Variants in BMPR1B observed in about 807,000 individuals in gnomAD.
BMPR1B encodes bone morphogenetic protein receptor type-1B.
Under a neutral mutation model 59.1 loss-of-function variants are expected in BMPR1B, and 12 were observed. That is an observed-to-expected ratio of 0.20 (90% confidence interval 0.13 to 0.33). The LOEUF (loss-of-function observed/expected upper bound fraction) is 0.33. Among genes scored for constraint, BMPR1B ranks in the 10% least tolerant of loss-of-function variants. The pLI is 1.00. For missense variants in BMPR1B, 550 were observed against 610.9 expected, an observed-to-expected ratio of 0.90 and a Z score of 1.05; for synonymous variants, 237 against 207.3, an observed-to-expected ratio of 1.14 and a Z score of -1.23.
chr4:94,948,954 T>C (rs1729824341), intron 2 of BMPR1B, among the ~76,000 whole-genome samples: 1 of 152,196 alleles, frequency 6.6e-6, no homozygotes, highest in Non-Finnish European at 1.5e-5. Context: ...TTCTTTTGTC[T>C]GCAAATGAAA....
At chr4:94,834,627 T>C (rs1436715616) in intron 1 of BMPR1B, among the ~76,000 whole-genome samples, 1 of 152,148 alleles carries the variant, frequency 6.6e-6, no homozygotes, top group African/African-American at 2.4e-5. Flanking sequence ...CTCCTGTTTC[T>C]CTAGGAGATT....
At chr4:94,944,910 T>A (rs1729652815) in intron 2 of BMPR1B, among the ~76,000 whole-genome samples, 1 of 152,204 alleles carries the variant, frequency 6.6e-6, no homozygotes, top group South Asian at 2.1e-4. Flanking sequence ...TTTAAGAATA[T>A]GAACAGCAGC....
chr4:94,863,308 A>G (rs941345169), intron 1 of BMPR1B, among the ~76,000 whole-genome samples: 1 of 151,722 alleles, frequency 6.6e-6, no homozygotes, highest in African/African-American at 2.4e-5. Context: ...ACAAACCTGC[A>G]CGTGTACCCC....
At chr4:94,880,352 T>A (rs1726909008) in intron 2 of BMPR1B, among the ~76,000 whole-genome samples, 1 of 152,162 alleles carries the variant, frequency 6.6e-6, no homozygotes, top group Non-Finnish European at 1.5e-5. Context: ...TGAGACAAAG[T>A]CTCCCTTTGA....
At chr4:94,851,295 A>T (rs1238651650) in intron 1 of BMPR1B, among the ~76,000 whole-genome samples, 1 of 152,198 alleles carries the variant, frequency 6.6e-6, no homozygotes, top group African/African-American at 2.4e-5. Flanking sequence ...ATTGGTTTCT[A>T]TGAAAGTCTG....
chr4:94,897,423 A>T (rs1299745031), intron 2 of BMPR1B, among the ~76,000 whole-genome samples: 1 of 152,024 alleles, frequency 6.6e-6, no homozygotes, highest in Admixed American at 6.6e-5. Context: ...TCTGTCTTTC[A>T]TTCACCCAGA....
intron 1 of BMPR1B, among the ~76,000 whole-genome samples, chr4:94,825,895 G>A (rs1026255522): frequency 6.6e-6 from 1 of 152,036 alleles, no homozygotes; most frequent in Non-Finnish European, 1.5e-5. Context: ...CCACAACAAA[G>A]GATATTTTTT....
intron 3 of BMPR1B, among the ~76,000 whole-genome samples, chr4:95,064,088 G>T (rs1727618382): frequency 1.3e-5 from 2 of 151,974 alleles, no homozygotes; most frequent in Non-Finnish European, 2.9e-5. Flanking sequence ...TCATTTATAG[G>T]TATAGATAAA....
chr4:94,912,099 A>G (rs1480206606), intron 2 of BMPR1B, among the ~76,000 whole-genome samples: 1 of 152,082 alleles, frequency 6.6e-6, no homozygotes, highest in Non-Finnish European at 1.5e-5. Context: ...AGGAAGGTAC[A>G]AAAGTGGAAA....
intron 2 of BMPR1B, among the ~76,000 whole-genome samples, chr4:94,986,733 A>T (rs928674999): frequency 2.7e-5 from 4 of 150,820 alleles, no homozygotes. Flanking sequence ...TTTTTAAAAA[A>T]TATATTTTGA....
intron 2 of BMPR1B, among the ~76,000 whole-genome samples, chr4:94,961,615 C>T (rs553618358): frequency 6.6e-6 from 1 of 152,256 alleles, no homozygotes; most frequent in South Asian, 2.1e-4. Context: ...GGCAAGCTTT[C>T]CTAAACAGAG....
intron 1 of BMPR1B, among the ~76,000 whole-genome samples, chr4:94,774,144 A>G (rs974973608): frequency 2.0e-5 from 3 of 152,058 alleles, no homozygotes; most frequent in African/African-American, 7.2e-5. Flanking sequence ...TAATCTCATC[A>G]TGCTTCTGTG....
chr4:95,026,527 G>A (rs1375370233), intron 3 of BMPR1B, among the ~76,000 whole-genome samples: 2 of 151,696 alleles, frequency 1.3e-5, no homozygotes, highest in Admixed American at 1.3e-4. Context: ...AATTTTTAGA[G>A]GCCATTAGAA....
At chr4:94,975,672 G>C (rs1026129289) in intron 2 of BMPR1B, among the ~76,000 whole-genome samples, 1 of 152,008 alleles carries the variant, frequency 6.6e-6, no homozygotes, top group East Asian at 1.9e-4. Flanking sequence ...GAGCCAATTT[G>C]TTTTTTAAAA....
intron 3 of BMPR1B, among the ~76,000 whole-genome samples, chr4:95,058,355 G>A (rs904380931): frequency 6.6e-6 from 1 of 152,068 alleles, no homozygotes; most frequent in Admixed American, 6.5e-5. Context: ...ATTGTCTTTG[G>A]TTCGTAGTTT....
intron 1 of BMPR1B, among the ~76,000 whole-genome samples, chr4:94,799,897 G>T (rs1343826016): frequency 6.6e-6 from 1 of 151,836 alleles, no homozygotes; most frequent in Non-Finnish European, 1.5e-5. Context: ...CACCATGTTG[G>T]CCAGGCTGGT....
chr4:94,827,168 T>A (rs1272085185), intron 1 of BMPR1B, among the ~76,000 whole-genome samples: 2 of 152,100 alleles, frequency 1.3e-5, no homozygotes, highest in Non-Finnish European at 2.9e-5. Context: ...TTGAGTTAGT[T>A]GAGGCTTCAA....
intron 1 of BMPR1B, among the ~76,000 whole-genome samples, chr4:94,861,286 TATG>T (rs1377147031): frequency 6.6e-6 from 1 of 152,206 alleles, no homozygotes; most frequent in African/African-American, 2.4e-5. Context: ...TCACAGGTGT[TATG>T]AGGATTAAAT....
chr4:95,009,803 G>C (rs994675278), intron 3 of BMPR1B, among the ~76,000 whole-genome samples: 2 of 152,114 alleles, frequency 1.3e-5, no homozygotes, highest in Non-Finnish European at 2.9e-5. Context: ...GTAACTGTGT[G>C]AACTGTAACA....
Sources: allele counts gnomAD v4.1 joint callset (sites outside exome capture counted in the v4.1 genomes callset), GRCh38; gene constraint gnomAD v4.1.1; transcripts MANE v1.5; gene names NCBI Gene and HGNC (gene_info 2026-07-23, HGNC 2026-07-21).